Variants in PPP1R9A observed in about 807,000 individuals in gnomAD.
The protein encoded by PPP1R9A is neurabin-1.
A neutral mutation model predicts 141.9 loss-of-function variants in PPP1R9A; 59 were observed. That is an observed-to-expected ratio of 0.42 (90% CI 0.34 to 0.52). PPP1R9A has a LOEUF of 0.52. Among genes scored for constraint, PPP1R9A ranks in the 20% least tolerant of loss-of-function variants. The pLI is 0.10. For synonymous variants in PPP1R9A, 500 were observed against 569.7 expected (o/e 0.88, Z 1.74); for missense variants, 1,444 against 1,611.9 (o/e 0.90, Z 1.78).
chr7:95,133,529 A>ATG lies in PPP1R9A; in HGVS notation c.1649+12698_1649+12699insGT, dbSNP rs1301747774. 2.0e-5 allele frequency among the ~76,000 whole-genome samples: 3 copies of ATG among 147,890 alleles called. No individual in the cohort carries two copies. The East Asian group carries it at 5.9e-4, about 29-fold the overall frequency. ...GCAGTCGTATTATATATATATATAT[A>ATG]TATATATATATATGCACATCATTTA... On this transcript the variant is annotated intron_variant, in intron 4 of 19. Coordinates refer to ENST00000433360, the MANE Select transcript of PPP1R9A (RefSeq NM_001166160.2).
intron 4 of PPP1R9A, among the ~76,000 whole-genome samples, chr7:95,123,512 G>A (rs539685471): frequency 9.2e-5 from 14 of 152,314 alleles, no homozygotes; most frequent in Middle Eastern, 3.4e-3. Flanking sequence ...AGCTGGGCGT[G>A]GTAGTGGGCG....
intron 7 of PPP1R9A, among the ~76,000 whole-genome samples, chr7:95,210,810 T>C (rs1054550341): frequency 6.6e-6 from 1 of 152,166 alleles, no homozygotes; most frequent in Non-Finnish European, 1.5e-5. Context: ...TGCAGTACTA[T>C]GCAGTCATAA....
Position 95,083,665 on chromosome 7 carries a change from G to A in PPP1R9A, c.1396-27594G>A, listed in dbSNP as rs139264588. On this transcript the variant is annotated intron_variant, in intron 2 of 19. Coordinates refer to ENST00000433360, the MANE Select transcript of PPP1R9A (RefSeq NM_001166160.2). ...ATCAAGCAGAGATTTCGGAGGCTCC[G>A]TACCACAGGGAATATAGACTTTAGT... is the stretch of plus-strand genomic sequence containing the variant. Among the ~76,000 whole-genome samples the A allele has an allele frequency of 1.1e-3, 161 of 152,000 alleles. 2 individuals carry two copies. In the East Asian group the frequency reaches 0.022, roughly 21 times the overall value.
chr7:95,047,284 A>C (rs1460437361), intron 2 of PPP1R9A, among the ~76,000 whole-genome samples: 1 of 152,198 alleles, frequency 6.6e-6, no homozygotes, highest in African/African-American at 2.4e-5. Context: ...TTTCGGCACA[A>C]ATGCTTTAGA....
At chr7:95,191,174 C>G (rs530470343) in intron 5 of PPP1R9A, among the ~76,000 whole-genome samples, 38 of 152,188 alleles carry the variant, frequency 2.5e-4, no homozygotes, top group African/African-American at 7.9e-4. Flanking sequence ...CCCACGTAAT[C>G]TAGATACCTA....
intron 2 of PPP1R9A, among the ~76,000 whole-genome samples, chr7:94,972,780 T>G (rs573180338): frequency 2.8e-4 from 43 of 152,254 alleles, no homozygotes; most frequent in African/African-American, 1.0e-3. Flanking sequence ...ATTTTAGGAT[T>G]TAGGTGATCT....
chr7:94,930,815 A>G (rs939216823), intron 2 of PPP1R9A, among the ~76,000 whole-genome samples: 2 of 152,190 alleles, frequency 1.3e-5, no homozygotes, highest in Non-Finnish European at 2.9e-5. Context: ...GTAGGTTAAC[A>G]TTACCTATTT....
intron 2 of PPP1R9A, among the ~76,000 whole-genome samples, chr7:94,948,102 G>A (rs1796085022): frequency 6.6e-6 from 1 of 152,030 alleles, no homozygotes. Context: ...TCCCATGGTG[G>A]GTTCTCCTTC....
intron 8 of PPP1R9A, among the ~76,000 whole-genome samples, chr7:95,231,604 A>G (rs548846689): frequency 1.4e-4 from 21 of 152,230 alleles, no homozygotes; most frequent in Admixed American, 1.2e-3. Flanking sequence ...CCCTCAAAAC[A>G]ATGCAAATAC....
chr7:95,004,149 G>A (rs1803299194), intron 2 of PPP1R9A, among the ~76,000 whole-genome samples: 1 of 151,660 alleles, frequency 6.6e-6, no homozygotes, highest in Admixed American at 6.6e-5. Flanking sequence ...TAGCATTTTA[G>A]GAAAAAAATT....
At chr7:94,918,628 CTG>C (rs1191521283) in intron 2 of PPP1R9A, among the ~76,000 whole-genome samples, 1 of 152,088 alleles carries the variant, frequency 6.6e-6, no homozygotes, top group African/African-American at 2.4e-5. Flanking sequence ...GACCCTGTGT[CTG>C]TGAATTGTCA....
chr7:95,286,153 C>T lies in PPP1R9A; in HGVS notation c.3610-53C>T, dbSNP rs1805279228. The T allele has an allele frequency of 2.5e-6, 4 of 1,601,334 alleles. No homozygotes were observed. The South Asian group carries it at 3.3e-5, about 13-fold the overall frequency. ...TTTTAGAGCTTGTAGACACACCTAC[C>T]TCTTGCTCACTCACTGCACTCATTT... is the stretch of plus-strand genomic sequence containing the variant. On this transcript the variant is annotated intron_variant, in intron 17 of 19. Transcript: ENST00000433360.
At chr7:94,937,134 G>C (rs1377202201) in intron 2 of PPP1R9A, among the ~76,000 whole-genome samples, 4 of 152,036 alleles carry the variant, frequency 2.6e-5, no homozygotes, top group Non-Finnish European at 5.9e-5. Context: ...TTGCTTCTAT[G>C]AATAATGCTG....
chr7:95,139,514 C>T (rs1417893659), intron 4 of PPP1R9A, among the ~76,000 whole-genome samples: 1 of 152,144 alleles, frequency 6.6e-6, no homozygotes, highest in Non-Finnish European at 1.5e-5. Context: ...GAGACTTTTG[C>T]AGAAGGTGCA....
chr7:94,975,330 C>T (rs1273910425), intron 2 of PPP1R9A, among the ~76,000 whole-genome samples: 1 of 147,382 alleles, frequency 6.8e-6, no homozygotes, highest in East Asian at 2.0e-4. Flanking sequence ...TTCCATTTAC[C>T]TCTGGACAGG....
chr7:95,226,124 A>T lies in PPP1R9A; in HGVS notation c.2112+8A>T, dbSNP rs563429913. The T allele has an allele frequency of 2.7e-5, 44 of 1,606,614 alleles. No homozygotes were observed. In the South Asian group the frequency reaches 4.6e-4, roughly 17 times the overall value. On this transcript the variant is annotated splice_region_variant and intron_variant, in intron 8 of 19. Transcript: ENST00000433360. ...AGTCACAAGTTCAAAGAGGTATGCC[A>T]CTAAGCTGCAAAATATTTCTTTATG...
intron 2 of PPP1R9A, among the ~76,000 whole-genome samples, chr7:94,993,811 T>C (rs1012792020): frequency 6.6e-6 from 1 of 152,212 alleles, no homozygotes; most frequent in Admixed American, 6.5e-5. Context: ...CAGACTGCCA[T>C]GTTGTCTGTG....
chr7:94,975,501 C>T (rs1227358909), intron 2 of PPP1R9A, among the ~76,000 whole-genome samples: 1 of 151,704 alleles, frequency 6.6e-6, no homozygotes, highest in African/African-American at 2.4e-5. Context: ...AATTGAATCC[C>T]TTGAAATATA....
chr7:95,015,239 C>G (rs1205013755), intron 2 of PPP1R9A, among the ~76,000 whole-genome samples: 1 of 149,990 alleles, frequency 6.7e-6, no homozygotes, highest in Non-Finnish European at 1.5e-5. Context: ...CACACACACA[C>G]ACACACACAT....
Sources: gnomAD v4.1 joint callset for allele counts (sites outside exome capture counted in the v4.1 genomes callset) on GRCh38, gnomAD v4.1.1 for gene constraint, MANE v1.5 for transcripts, NCBI Gene and HGNC (gene_info 2026-07-23, HGNC 2026-07-21) for gene names.